Variants in TBL1XR1 observed in about 807,000 individuals in gnomAD.
TBL1XR1 encodes the protein F-box-like/WD repeat-containing protein TBL1XR1.
In TBL1XR1, 5 loss-of-function variants were observed where a neutral mutation model predicts 66.9. The ratio of observed to expected loss-of-function variants is 0.07; its 90% CI spans 0.04 to 0.16. The LOEUF (loss-of-function observed/expected upper bound fraction) is 0.16, where lower values mean the gene tolerates loss of function less well. TBL1XR1 is among the 10% of genes least tolerant of loss of function. The probability of loss-of-function intolerance (pLI) is 1.00; values close to 1 mark genes in which losing one functional copy is unlikely to be tolerated. For missense variants in TBL1XR1, 238 were observed against 623.2 expected (o/e 0.38, Z 6.58); for synonymous variants, 210 against 206.0 (o/e 1.02, Z -0.17).
intron 2 of TBL1XR1, among the ~76,000 whole-genome samples, chr3:177,083,660 T>C (rs1577111969): frequency 6.6e-6 from 1 of 152,188 alleles, no homozygotes; most frequent in South Asian, 2.1e-4. Flanking sequence ...CCACCTACAA[T>C]TTAAAATTAA....
intron 3 of TBL1XR1, among the ~76,000 whole-genome samples, chr3:177,060,870 G>A (rs1233863059): frequency 6.6e-6 from 1 of 152,160 alleles, no homozygotes; most frequent in African/African-American, 2.4e-5. Context: ...CTAATTAAAG[G>A]AACAATACTT....
At chr3:177,151,206 C>T (rs1730844400) in intron 1 of TBL1XR1, among the ~76,000 whole-genome samples, 1 of 152,220 alleles carries the variant, frequency 6.6e-6, no homozygotes, top group Non-Finnish European at 1.5e-5. Context: ...GAGAGCCACA[C>T]ATTTTTCACA....
intron 3 of TBL1XR1, among the ~76,000 whole-genome samples, chr3:177,060,947 A>G (rs1718442532): frequency 1.3e-5 from 2 of 152,264 alleles, no homozygotes; most frequent in South Asian, 4.1e-4. Flanking sequence ...AGTCATCTCT[A>G]AAGAGAAAAA....
At chr3:177,178,972 C>T (rs1196034322) in intron 1 of TBL1XR1, among the ~76,000 whole-genome samples, 1 of 151,998 alleles carries the variant, frequency 6.6e-6, no homozygotes, top group Non-Finnish European at 1.5e-5. Flanking sequence ...CAAAAATTAG[C>T]CGGGTGTGGT....
chr3:177,179,951 C>T (rs1431689690), intron 1 of TBL1XR1, among the ~76,000 whole-genome samples: 1 of 152,110 alleles, frequency 6.6e-6, no homozygotes, highest in African/African-American at 2.4e-5. Context: ...AAAACATACC[C>T]ACTACAGGCT....
intron 2 of TBL1XR1, among the ~76,000 whole-genome samples, chr3:177,071,442 A>T (rs886449592): frequency 5.9e-5 from 9 of 152,198 alleles, no homozygotes; most frequent in Admixed American, 2.6e-4. Flanking sequence ...AGGGAAAAAA[A>T]TCCTACGTAA....
chr3:177,195,195 G>GA (rs143913783), intron 1 of TBL1XR1, among the ~76,000 whole-genome samples: 29 of 148,738 alleles, frequency 1.9e-4, no homozygotes, highest in Admixed American at 4.0e-4. Flanking sequence ...GGATAGGGTT[G>GA]AAAAAAAAAA....
chr3:177,121,348 T>C (rs998815806), intron 1 of TBL1XR1, among the ~76,000 whole-genome samples: 4 of 152,230 alleles, frequency 2.6e-5, no homozygotes, highest in Non-Finnish European at 5.9e-5. Context: ...ATTATTCTTT[T>C]ATTATTTTCA....
At chr3:177,159,921 TA>T (rs1162479077) in intron 1 of TBL1XR1, among the ~76,000 whole-genome samples, 1 of 152,200 alleles carries the variant, frequency 6.6e-6, no homozygotes, top group Admixed American at 6.5e-5. Flanking sequence ...GCTATATTAA[TA>T]GGTCAAGGTC....
At chr3:177,098,630 T>C in intron 1 of TBL1XR1, 89 bp from the exon 2 acceptor site, 2 of 688,430 alleles carry the variant, frequency 2.9e-6, no homozygotes, top group Non-Finnish European at 3.6e-6. Context: ...ATGTTTGAAA[T>C]ATTCTTTAAG....
At chr3:177,191,088 A>T (rs1553870964) in intron 1 of TBL1XR1, among the ~76,000 whole-genome samples, 1 of 152,146 alleles carries the variant, frequency 6.6e-6, no homozygotes, top group Non-Finnish European at 1.5e-5. Flanking sequence ...GTATGGCAAA[A>T]ACTACCGTAT....
intron 12 of TBL1XR1, among the ~76,000 whole-genome samples, chr3:177,034,887 G>A (rs2108417785): frequency 6.6e-6 from 1 of 151,914 alleles, no homozygotes; most frequent in East Asian, 1.9e-4. Context: ...TAGATTTCAA[G>A]TGACTATTAT....
At chr3:177,096,415 A>C (rs1462588575) in intron 2 of TBL1XR1, among the ~76,000 whole-genome samples, 1 of 152,096 alleles carries the variant, frequency 6.6e-6, no homozygotes, top group Non-Finnish European at 1.5e-5. Context: ...ACTGACAAAC[A>C]TGTTTGGGAT....
chr3:177,034,083 A>G (rs559636800), intron 13 of TBL1XR1, 115 bp downstream of exon 13: 64 of 229,784 alleles, frequency 2.8e-4, no homozygotes, highest in Middle Eastern at 2.3e-3. Flanking sequence ...CTGAAATTGG[A>G]AAAAAAAAAA....
intron 3 of TBL1XR1, among the ~76,000 whole-genome samples, chr3:177,054,327 ATATTT>A (rs1213893724): frequency 8.5e-5 from 13 of 152,160 alleles, no homozygotes; most frequent in African/African-American, 2.9e-4. Flanking sequence ...TTTCTGTATT[ATATTT>A]TAATATTTTT....
At position 177,029,119 on chromosome 3, in the gene TBL1XR1, GA is replaced by G. The variant is rs1014837040; in HGVS notation, c.1417-2646del. On this transcript the variant is annotated intron_variant, in intron 14 of 15. Transcript: ENST00000457928. ...TATAAGGAAAAATGTATTAAGCTAT[GA>G]AAAAAAAAAAAAGCTATCAAAAAGG... 6.3e-3 allele frequency among the ~76,000 whole-genome samples: 872 copies of G among 138,232 alleles called. 9 individuals are homozygous for G. Among genetic ancestry groups the G allele is most frequent in the African/African-American group, 0.012 (460 of 37,868 alleles). The allele number at this position is 138,232 out of a possible 152,430, so 90.7% of individuals were successfully genotyped here.
rs537776948 is a variant in TBL1XR1 at position 177,171,841 on chromosome 3, T to C, written c.-122+25280A>G. 2.0e-5 allele frequency among the ~76,000 whole-genome samples: 3 copies of C among 150,156 alleles called. No individual in the cohort carries two copies. In the East Asian group the frequency reaches 5.9e-4, roughly 30 times the overall value. On this transcript the variant is annotated intron_variant, in intron 1 of 15. Coordinates refer to ENST00000457928, the MANE Select transcript of TBL1XR1 (RefSeq NM_024665.7). The stretch of plus-strand genomic sequence containing the variant: ...TGGAGCAAATTGTTATGTCAGAAAG[T>C]AAGAAACTGCTTAAAAAATCAAAGG...
At chr3:177,098,413 T>C (rs1419752671) in intron 2 of TBL1XR1, 53 bp downstream of exon 2, 3 of 947,388 alleles carry the variant, frequency 3.2e-6, no homozygotes, top group Non-Finnish European at 3.8e-6. Context: ...TCTCAAAAGA[T>C]TCTAAAAACA....
At chr3:177,144,616 T>C (rs1730026926) in intron 1 of TBL1XR1, among the ~76,000 whole-genome samples, 1 of 151,146 alleles carries the variant, frequency 6.6e-6, no homozygotes, top group African/African-American at 2.4e-5. Flanking sequence ...TGGCTGGGTG[T>C]GGTAGCGGGT....
Sources: allele counts gnomAD v4.1 joint callset (sites outside exome capture counted in the v4.1 genomes callset), GRCh38; gene constraint gnomAD v4.1.1; transcripts MANE v1.5; gene names NCBI Gene and HGNC (gene_info 2026-07-23, HGNC 2026-07-21).